The following IL1RAPL1 variants were observed in gnomAD, a reference collection of about 807,000 sequenced individuals.
The protein encoded by IL1RAPL1 is interleukin 1 receptor accessory protein like 1, also known as interleukin-1 receptor accessory protein-like 1.
IL1RAPL1 carries 3 observed loss-of-function variants against 48.4 expected under a neutral mutation model. That is an observed-to-expected ratio of 0.06 (90% CI 0.03 to 0.16). The LOEUF (loss-of-function observed/expected upper bound fraction) is 0.16. IL1RAPL1 is among the 10% of genes least tolerant of loss of function. The probability of loss-of-function intolerance (pLI) is 1.00; values close to 1 mark genes in which losing one functional copy is unlikely to be tolerated. For missense variants in IL1RAPL1, 349 were observed against 530.6 expected (o/e 0.66, Z 3.36); for synonymous variants, 185 against 187.7 (o/e 0.99, Z 0.12).
chrX:28,893,845 A>G (rs1176682447), intron 2 of IL1RAPL1, among the ~76,000 whole-genome samples: 6 of 111,749 alleles, frequency 5.4e-5, no homozygotes, highest in Non-Finnish European at 1.1e-4. Context: ...TCCTTGGTCT[A>G]AGAACCATTT....
intron 3 of IL1RAPL1, among the ~76,000 whole-genome samples, chrX:29,368,783 G>T (rs1198193875): frequency 9.2e-6 from 1 of 108,410 alleles, no homozygotes; most frequent in Non-Finnish European, 1.9e-5. Context: ...ACATAAAGTA[G>T]GACTCAGGAT....
At chrX:29,727,546 G>T (rs1927806320) in intron 6 of IL1RAPL1, among the ~76,000 whole-genome samples, 1 of 111,580 alleles carries the variant, frequency 9.0e-6, no homozygotes, top group Non-Finnish European at 1.9e-5. Flanking sequence ...GATGCCATGG[G>T]GTCATTAAAA....
At chrX:29,635,718 T>C in intron 5 of IL1RAPL1, among the ~76,000 whole-genome samples, 1 of 108,183 alleles carries the variant, frequency 9.2e-6, no homozygotes, top group East Asian at 2.9e-4. Context: ...GAAACAGAAA[T>C]ATATAGAAGA....
intron 2 of IL1RAPL1, among the ~76,000 whole-genome samples, chrX:29,230,788 T>C (rs1931189319): frequency 9.0e-6 from 1 of 111,030 alleles, no homozygotes; most frequent in Non-Finnish European, 1.9e-5. Context: ...CCTATTTTAT[T>C]AGTGATCCCC....
At chrX:29,615,198 A>G (rs1165599607) in intron 5 of IL1RAPL1, among the ~76,000 whole-genome samples, 1 of 112,142 alleles carries the variant, frequency 8.9e-6, no homozygotes, top group Non-Finnish European at 1.9e-5. Flanking sequence ...AGTATCACAC[A>G]CGGGAAAAAT....
chrX:29,664,729 G>A (rs185144972), intron 5 of IL1RAPL1, among the ~76,000 whole-genome samples: 58 of 111,569 alleles, frequency 5.2e-4, no homozygotes, highest in African/African-American at 1.8e-3. Flanking sequence ...ACTTTTTACC[G>A]TTCCATAGCT....
At chrX:29,736,829 T>C (rs1291490376) in intron 6 of IL1RAPL1, among the ~76,000 whole-genome samples, 2 of 112,400 alleles carry the variant, frequency 1.8e-5, no homozygotes, top group Non-Finnish European at 3.8e-5. Flanking sequence ...CTGATTATTA[T>C]ATTATCTAGT....
chrX:29,265,303 T>C (rs750015796), intron 2 of IL1RAPL1, among the ~76,000 whole-genome samples: 1 of 109,821 alleles, frequency 9.1e-6, no homozygotes, highest in African/African-American at 3.3e-5. Flanking sequence ...ATAATATGAA[T>C]TATGAATATT....
chrX:29,501,571 C>T (rs759739505), intron 5 of IL1RAPL1, among the ~76,000 whole-genome samples: 7 of 111,436 alleles, frequency 6.3e-5, no homozygotes, highest in African/African-American at 2.3e-4. Flanking sequence ...TGAAGAGACT[C>T]TCCTTTCCCC....
At chrX:29,459,050 G>C (rs192936702) in intron 5 of IL1RAPL1, among the ~76,000 whole-genome samples, 1 of 111,868 alleles carries the variant, frequency 8.9e-6, no homozygotes, top group South Asian at 3.7e-4. Context: ...TAGATTTGGC[G>C]TGTGGTCCAT....
chrX:28,699,181 C>A (rs1311607427), intron 1 of IL1RAPL1, among the ~76,000 whole-genome samples: 2 of 111,992 alleles, frequency 1.8e-5, no homozygotes, highest in African/African-American at 6.5e-5. Flanking sequence ...ATTTGGGTTT[C>A]ATTCGAAATT....
intron 3 of IL1RAPL1, among the ~76,000 whole-genome samples, chrX:29,341,670 G>T (rs1217455440): frequency 8.9e-6 from 1 of 111,853 alleles, no homozygotes; most frequent in African/African-American, 3.3e-5. Flanking sequence ...GTAAACTAAT[G>T]AGGAGACTGG....
chrX:29,385,662 G>C (rs1469004062), intron 3 of IL1RAPL1, among the ~76,000 whole-genome samples: 1 of 112,257 alleles, frequency 8.9e-6, no homozygotes, highest in Non-Finnish European at 1.9e-5. Context: ...TTTCATCCAT[G>C]TTGTATCGTG....
intron 2 of IL1RAPL1, among the ~76,000 whole-genome samples, chrX:28,966,247 T>C (rs946319670): frequency 8.9e-6 from 1 of 112,107 alleles, no homozygotes; most frequent in African/African-American, 3.2e-5. Flanking sequence ...GAAGCATAAA[T>C]GGATGTTTTT....
intron 2 of IL1RAPL1, chrX:28,982,945 A>G (rs1268812402): frequency 8.9e-6 from 1 of 111,887 alleles, no homozygotes; most frequent in Non-Finnish European, 1.9e-5. Context: ...GAGACCAGCC[A>G]TGTTCAGAGT....
intron 2 of IL1RAPL1, among the ~76,000 whole-genome samples, chrX:28,818,875 A>C (rs5985803): frequency 0.071 from 7,909 of 110,626 alleles, 649 homozygotes; most frequent in African/African-American, 0.25. Flanking sequence ...CTCTAGTACT[A>C]TCTTGAGAAA....
At chrX:29,406,150 G>T (rs1291913388) in intron 5 of IL1RAPL1, among the ~76,000 whole-genome samples, 1 of 111,547 alleles carries the variant, frequency 9.0e-6, no homozygotes, top group Admixed American at 9.5e-5. Context: ...AGCACTTTGG[G>T]AGGCCGAGGT....
intron 2 of IL1RAPL1, among the ~76,000 whole-genome samples, chrX:28,892,127 C>T (rs965296636): frequency 9.0e-6 from 1 of 110,643 alleles, no homozygotes; most frequent in Admixed American, 9.7e-5. Flanking sequence ...TTTTCACTCG[C>T]GTCCGAGTGA....
intron 2 of IL1RAPL1, among the ~76,000 whole-genome samples, chrX:29,007,645 T>A (rs1926015428): frequency 8.9e-6 from 1 of 112,206 alleles, no homozygotes; most frequent in Admixed American, 9.4e-5. Flanking sequence ...TATTCTAAAA[T>A]ATTTAATCTG....
Sources: allele counts gnomAD v4.1 joint callset (sites outside exome capture counted in the v4.1 genomes callset), GRCh38; gene constraint gnomAD v4.1.1; transcripts MANE v1.5; gene names NCBI Gene and HGNC (gene_info 2026-07-23, HGNC 2026-07-21).